The following GPATCH2L variants were observed in gnomAD, a reference collection of about 807,000 sequenced individuals.
The protein encoded by GPATCH2L is G patch domain-containing protein 2-like.
Under a neutral mutation model 57.4 loss-of-function variants are expected in GPATCH2L, and 31 were observed. The ratio of observed to expected loss-of-function variants is 0.54; its 90% CI spans 0.41 to 0.73. GPATCH2L has a LOEUF of 0.73. GPATCH2L is among the 30% of genes least tolerant of loss of function. The pLI is 0.00. For synonymous variants in GPATCH2L, 199 were observed against 210.7 expected, an observed-to-expected ratio of 0.94 and a Z score of 0.48; for missense variants, 481 against 599.9, an observed-to-expected ratio of 0.80 and a Z score of 2.07.
At chr14:76,215,581 C>T (rs2040483817), downstream of GPATCH2L, among the ~76,000 whole-genome samples, 1 of 151,720 alleles carries the variant, frequency 6.6e-6, no homozygotes, top group Non-Finnish European at 1.5e-5. Context: ...GAATACTATG[C>T]AGCCATAAAA....
At chr14:76,198,121 C>G (rs1359393310) in intron 9 of GPATCH2L, among the ~76,000 whole-genome samples, 1 of 152,050 alleles carries the variant, frequency 6.6e-6, no homozygotes, top group Non-Finnish European at 1.5e-5. Flanking sequence ...TTAAATAGAC[C>G]CATCTTGAAA....
rs747142571 is a variant in GPATCH2L at position 76,178,047 on chromosome 14, G to A, written c.1107+5G>A. On this transcript the variant is annotated splice_donor_5th_base_variant and intron_variant, in intron 7 of 9. Transcript: ENST00000261530. The stretch of plus-strand genomic sequence containing the variant: ...ATTTCTGCTTGTGCACATGAGGTAA[G>A]GTTTCCTCTTTCTTGTTATTTTGAT... 3 of 1,592,816 alleles carry A rather than the reference G, an allele frequency of 1.9e-6. No homozygotes were observed. The Admixed American group carries it at 5.0e-5, about 27-fold the overall frequency.
Position 76,202,351 on chromosome 14 carries a change from A to G in GPATCH2L, c.*500A>G, listed in dbSNP as rs1241660455. ...TTGAGCCTACTCTTGATTCATGCAG[A>G]GTGCCAATAAGATAAATCAACCAAG... is the stretch of plus-strand genomic sequence containing the variant. On this transcript the variant is annotated 3_prime_UTR_variant, in exon 10 of 10. Coordinates refer to ENST00000261530, the MANE Select transcript of GPATCH2L (RefSeq NM_017926.4). 6.5e-6 allele frequency: 1 copy of G among 152,682 alleles called. No homozygotes were observed. Among genetic ancestry groups the G allele is most frequent in the East Asian group, 1.9e-4 (1 of 5,196 alleles). The allele number at this position is 152,682 out of a possible 1,614,324, so 9.5% of individuals were successfully genotyped here.
At position 76,212,907 on chromosome 14, in the gene GPATCH2L, A is replaced by G. The variant is rs2040457709; in HGVS notation, c.*11056A>G. 1 of 152,158 alleles carries G rather than the reference A, an allele frequency of 6.6e-6. No individual in the cohort carries two copies. Among genetic ancestry groups the G allele is most frequent in the Non-Finnish European group, 1.5e-5 (1 of 68,008 alleles). The allele number at this position is 152,158 out of a possible 1,614,324, so 9.4% of individuals were successfully genotyped here. ...CAAAATGTTTTTAAGCTCTTCAACTATTCTTGGGTTGATTAGGAAATGCAA... is the reference window on the plus strand; with the variant it reads ...CAAAATGTTTTTAAGCTCTTCAACTGTTCTTGGGTTGATTAGGAAATGCAA... On this transcript the variant is annotated 3_prime_UTR_variant, in exon 10 of 10. Transcript: ENST00000261530.
In GPATCH2L at chr14:76,180,758, C is replaced by T; in HGVS notation, c.1108-6C>T. ...CTTACTAAAATAGTCTTATTCATTC[C>T]TGCAGTTCAATCCCCTGTCTCCCCT... On this transcript the variant is annotated splice_region_variant and splice_polypyrimidine_tract_variant and intron_variant, in intron 7 of 9. Coordinates refer to ENST00000261530, the MANE Select transcript of GPATCH2L (RefSeq NM_017926.4). The T allele has an allele frequency of 2.5e-6, 4 of 1,593,768 alleles. No individual in the cohort carries two copies. Among genetic ancestry groups the T allele is most frequent in the Non-Finnish European group, 3.4e-6 (4 of 1,161,364 alleles).
intron 8 of GPATCH2L, among the ~76,000 whole-genome samples, chr14:76,182,638 A>G (rs1318008270): frequency 1.3e-5 from 2 of 151,946 alleles, no homozygotes; most frequent in Middle Eastern, 3.2e-3. Flanking sequence ...GGAATGATAT[A>G]AACTATTAGT....
In GPATCH2L at chr14:76,196,908, C is replaced by G. The variant is rs548909747; in HGVS notation, c.1288+936C>G. 1.2e-4 allele frequency among the ~76,000 whole-genome samples: 19 copies of G among 152,182 alleles called. No homozygotes were observed. The East Asian group carries it at 3.7e-3, about 29-fold the overall frequency. On this transcript the variant is annotated intron_variant, in intron 9 of 9. Coordinates refer to ENST00000261530, the MANE Select transcript of GPATCH2L (RefSeq NM_017926.4). ...CTCTTTGTGCTTCTGTTTGGAAAGT[C>G]TGCTTTATGGTGGTTCATACTGGAC... is the stretch of plus-strand genomic sequence containing the variant.
Position 76,201,983 on chromosome 14 carries a change from AAC to A in GPATCH2L, c.*136_*137del. ...ACCACCAGAACCAACTCCTCTTTCA[AAC>A]ACAGCAGTGGATTCTTTCTCTCAGA... On this transcript the variant is annotated 3_prime_UTR_variant, in exon 10 of 10. Coordinates refer to ENST00000261530, the MANE Select transcript of GPATCH2L (RefSeq NM_017926.4). 1.5e-6 allele frequency: 1 copy of A among 656,566 alleles called. No individual in the cohort carries two copies. The highest frequency in any genetic ancestry group is 2.6e-6 in the Non-Finnish European group (1 of 390,104). 40.7% of individuals were successfully genotyped at this position (656,566 alleles called of 1,614,324 possible).
At position 76,204,439 on chromosome 14, in the gene GPATCH2L, G is replaced by A. The variant is rs1376386781; in HGVS notation, c.*2588G>A. On this transcript the variant is annotated 3_prime_UTR_variant, in exon 10 of 10. Transcript: ENST00000261530. Reference sequence around the variant, plus strand: ...TGCTCCTCATTTTAAGGTGCTGTACGTGCATGTTTAAGGAATTATTAATCA... The same window carrying A: ...TGCTCCTCATTTTAAGGTGCTGTACATGCATGTTTAAGGAATTATTAATCA... 2.0e-5 allele frequency: 3 copies of A among 152,252 alleles called. No homozygotes were observed. Among genetic ancestry groups the A allele is most frequent in the African/African-American group, 4.8e-5 (2 of 41,550 alleles). 9.4% of individuals were successfully genotyped at this position (152,252 alleles called of 1,614,324 possible). A position where few individuals can be genotyped will look rare whatever the true frequency, so the allele number is the denominator to read the frequency against.
intron 2 of GPATCH2L, among the ~76,000 whole-genome samples, chr14:76,158,012 A>G (rs1378983522): frequency 6.6e-6 from 1 of 152,224 alleles, no homozygotes; most frequent in Non-Finnish European, 1.5e-5. Context: ...ATCTTTATTT[A>G]AATTGTCTGT....
At chr14:76,231,963 T>TCACTGCAGG (rs2040564265) in intron 2 of GPATCH2L, among the ~76,000 whole-genome samples, 1 of 57,634 alleles carries the variant, frequency 1.7e-5, no homozygotes, top group Non-Finnish European at 4.4e-5. Context: ...GGCAAACACA[T>TCACTGCAGG]CTCACTGCAG....
At chr14:76,231,832 A>G (rs918003091) in intron 2 of GPATCH2L, among the ~76,000 whole-genome samples, 25 of 152,238 alleles carry the variant, frequency 1.6e-4, no homozygotes, top group African/African-American at 5.8e-4. Flanking sequence ...TTCTACATGT[A>G]TATAGTAATT....
chr14:76,157,783 A>T (rs574663704), intron 2 of GPATCH2L, among the ~76,000 whole-genome samples: 102 of 152,276 alleles, frequency 6.7e-4, no homozygotes, highest in African/African-American at 2.3e-3. Context: ...AACATGGAGT[A>T]TAGACTTCAT....
intron 3 of GPATCH2L, among the ~76,000 whole-genome samples, chr14:76,169,134 T>C (rs2038974773): frequency 6.6e-6 from 1 of 152,232 alleles, no homozygotes. Flanking sequence ...ATCTCTGCAA[T>C]GACCCCATTT....
intron 3 of GPATCH2L, among the ~76,000 whole-genome samples, chr14:76,169,551 G>T (rs1479121797): frequency 6.6e-6 from 1 of 152,124 alleles, no homozygotes; most frequent in Non-Finnish European, 1.5e-5. Context: ...CTCTTTTAAG[G>T]AGCTCCTCTA....
intron 2 of GPATCH2L, among the ~76,000 whole-genome samples, chr14:76,233,283 G>A (rs529578519): frequency 5.3e-5 from 8 of 152,258 alleles, no homozygotes; most frequent in Non-Finnish European, 1.0e-4. Flanking sequence ...CCACCCCCAC[G>A]CAGCAGGTAT....
At chr14:76,164,271 G>A (rs748177135) in intron 2 of GPATCH2L, among the ~76,000 whole-genome samples, 3 of 152,118 alleles carry the variant, frequency 2.0e-5, no homozygotes, top group Non-Finnish European at 4.4e-5. Flanking sequence ...TCTCAACTTA[G>A]GCACTACTGG....
rs930412585 is a variant in GPATCH2L, at chr14:76,207,401, A to G, written c.*5550A>G. On this transcript the variant is annotated 3_prime_UTR_variant, in exon 10 of 10. Transcript: ENST00000261530. ...ATGATAGTCATTTTTCACAATTGGC[A>G]GTAAAAATAGGATTTGTGTAAGGTA... The G allele has an allele frequency of 3.3e-5, 5 of 152,238 alleles. No individual in the cohort carries two copies. The highest frequency in any genetic ancestry group is 1.2e-4 in the African/African-American group (5 of 41,458). 9.4% of individuals were successfully genotyped at this position (152,238 alleles called of 1,614,324 possible).
At chr14:76,159,065 T>G (rs536552062) in intron 2 of GPATCH2L, among the ~76,000 whole-genome samples, 19 of 152,206 alleles carry the variant, frequency 1.2e-4, no homozygotes, top group Non-Finnish European at 2.8e-4. Flanking sequence ...AGTGAATTGT[T>G]TCACCATGTA....
Sources: allele counts gnomAD v4.1 joint callset (sites outside exome capture counted in the v4.1 genomes callset), GRCh38; gene constraint gnomAD v4.1.1; transcripts MANE v1.5; gene names NCBI Gene and HGNC (gene_info 2026-07-23, HGNC 2026-07-21).